Variants in SPATA6 observed in about 807,000 individuals in gnomAD.
SPATA6 encodes spermatogenesis associated 6.
In SPATA6, 56 loss-of-function variants were observed where a neutral mutation model predicts 65.3. That is an observed-to-expected ratio of 0.86 (90% CI 0.69 to 1.07). The LOEUF (loss-of-function observed/expected upper bound fraction) is 1.07. Among genes scored for constraint, SPATA6 ranks in the 50% least tolerant of loss-of-function variants. SPATA6 has a pLI of 0.00. For missense variants in SPATA6, 590 were observed against 594.8 expected, an observed-to-expected ratio of 0.99 and a Z score of 0.08; for synonymous variants, 199 against 213.2, an observed-to-expected ratio of 0.93 and a Z score of 0.58.
rs532817331 is a variant in SPATA6 at position 48,419,258 on chromosome 1, G to C, written c.239-6107C>G. 3.3e-5 allele frequency among the ~76,000 whole-genome samples: 5 copies of C among 152,206 alleles called. No individual in the cohort carries two copies. In the East Asian group the frequency reaches 9.7e-4, roughly 29 times the overall value. On this transcript the variant is annotated intron_variant, in intron 3 of 12. Transcript: ENST00000371847. ...GAGACTAAAGGCTAATGTTATCAAA[G>C]ATAACAGTTCCTGACCTCAGGTATT...
chr1:48,280,157 A>G, the SPATA6 span, among the ~76,000 whole-genome samples: 1 of 152,252 alleles, frequency 6.6e-6, no homozygotes, highest in African/African-American at 2.4e-5. Flanking sequence ...ACAACATACC[A>G]GAATCTCTGG....
Position 48,296,212 on chromosome 1 carries a change from A to C in SPATA6, c.*2501T>G, listed in dbSNP as rs1644810603. 1 of 152,078 alleles carries C rather than the reference A, an allele frequency of 6.6e-6. No homozygotes were observed. The highest frequency in any genetic ancestry group is 2.4e-5 in the African/African-American group (1 of 41,444). 9.4% of individuals were successfully genotyped at this position (152,078 alleles called of 1,614,324 possible). A position where few individuals can be genotyped will look rare whatever the true frequency, so the allele number is the denominator to read the frequency against. On this transcript the variant is annotated 3_prime_UTR_variant, in exon 13 of 13. Transcript: ENST00000371847. ...CTGCACCTTTCTGCTCCTGTGAATG[A>C]GAAAAGACAACTATTAGTACTTAAA...
rs34715593 is a variant in SPATA6 at position 48,391,203 on chromosome 1, GAA to G, written c.868+4062_868+4063del. On this transcript the variant is annotated intron_variant, in intron 8 of 12. Transcript: ENST00000371847. ...AACATGGTGAAACCCAATCTCTACA[GAA>G]AAAAAAAAAAAAAAAAAATTAGTTG... 3.2e-3 allele frequency among the ~76,000 whole-genome samples: 345 copies of G among 108,388 alleles called. 2 individuals carry two copies. The highest frequency in any genetic ancestry group is 0.013 in the Middle Eastern group (3 of 224). The allele number at this position is 108,388 out of a possible 152,430, so 71.1% of individuals were successfully genotyped here.
chr1:48,350,319 A>T (rs1570248369), intron 11 of SPATA6, among the ~76,000 whole-genome samples: 3 of 147,614 alleles, frequency 2.0e-5, no homozygotes, highest in African/African-American at 2.5e-5. Flanking sequence ...TTTTTTCCTA[A>T]CTCTGGATAC....
chr1:48,441,587 G>A (rs551850629), intron 3 of SPATA6, among the ~76,000 whole-genome samples: 4 of 152,162 alleles, frequency 2.6e-5, no homozygotes, highest in Non-Finnish European at 5.9e-5. Flanking sequence ...GGCACTGGAA[G>A]GAACAAACTC....
intron 3 of SPATA6, among the ~76,000 whole-genome samples, chr1:48,431,239 C>T (rs1053550579): frequency 2.0e-5 from 3 of 152,012 alleles, no homozygotes; most frequent in African/African-American, 7.2e-5. Context: ...AACATTTATA[C>T]ATCTATAAAG....
intron 3 of SPATA6, among the ~76,000 whole-genome samples, chr1:48,423,478 A>T (rs1192999549): frequency 6.7e-6 from 1 of 149,916 alleles, no homozygotes; most frequent in East Asian, 1.9e-4. Flanking sequence ...AAAAAAAAAC[A>T]GAAAAATGAC....
the SPATA6 span, among the ~76,000 whole-genome samples, chr1:48,288,971 CCTGT>C: frequency 6.6e-6 from 1 of 152,192 alleles, no homozygotes; most frequent in Admixed American, 6.5e-5. Context: ...CTTAAATGTC[CCTGT>C]CTGACAGCTT....
At chr1:48,325,328 G>GCC (rs1557564968) in intron 11 of SPATA6, 1 of 1,272,928 alleles carries the variant, frequency 7.9e-7, no homozygotes, top group Non-Finnish European at 1.1e-6. Context: ...TAGGGCACAG[G>GCC]CCCCCGTAGA....
intron 3 of SPATA6, chr1:48,436,479 G>C (rs1232409369): frequency 6.2e-7 from 1 of 1,608,892 alleles, no homozygotes; most frequent in Non-Finnish European, 8.5e-7. Flanking sequence ...CTGTGAGAGG[G>C]TTGAACTATC....
intron 11 of SPATA6, among the ~76,000 whole-genome samples, chr1:48,319,172 C>T (rs1557555542): frequency 6.6e-6 from 1 of 152,108 alleles, no homozygotes; most frequent in Non-Finnish European, 1.5e-5. Flanking sequence ...TCTTAGAAAA[C>T]ATAGGCATAA....
chr1:48,281,018 G>T, the SPATA6 span, among the ~76,000 whole-genome samples: 2 of 150,882 alleles, frequency 1.3e-5, no homozygotes, highest in African/African-American at 4.8e-5. Context: ...GGGATGCAAG[G>T]CTGGTTCAAT....
intron 1 of SPATA6, among the ~76,000 whole-genome samples, chr1:48,461,721 T>C (rs1570647132): frequency 1.3e-5 from 2 of 152,082 alleles, no homozygotes; most frequent in African/African-American, 4.8e-5. Context: ...TGTGGAGAAA[T>C]AAGAACACTT....
chr1:48,440,484 G>A (rs927032765), intron 3 of SPATA6, among the ~76,000 whole-genome samples: 2 of 152,162 alleles, frequency 1.3e-5, no homozygotes, highest in African/African-American at 4.8e-5. Context: ...TGAAGAAAGG[G>A]ACAAATTCCC....
chr1:48,451,064 G>A (rs1656521171), intron 3 of SPATA6, among the ~76,000 whole-genome samples: 1 of 152,272 alleles, frequency 6.6e-6, no homozygotes, highest in Admixed American at 6.5e-5. Flanking sequence ...TACTTGTTAT[G>A]CAGAGCCTTG....
intron 6 of SPATA6, among the ~76,000 whole-genome samples, chr1:48,401,101 T>C (rs1322277485): frequency 6.6e-6 from 1 of 152,100 alleles, no homozygotes; most frequent in African/African-American, 2.4e-5. Context: ...TGAAAATCCC[T>C]TGCTGACCAA....
At chr1:48,287,498 G>C in the SPATA6 span, among the ~76,000 whole-genome samples, 1 of 152,156 alleles carries the variant, frequency 6.6e-6, no homozygotes, top group African/African-American at 2.4e-5. Flanking sequence ...TTGGGTCATG[G>C]GGGCATATCC....
downstream of SPATA6, among the ~76,000 whole-genome samples, chr1:48,290,673 C>CA (rs201609149): frequency 0.025 from 3,734 of 151,086 alleles, 99 homozygotes; most frequent in African/African-American, 0.067. Context: ...AAATGGAAAA[C>CA]AAAAAAAAGC....
In SPATA6 at chr1:48,470,747, T is replaced by A. The variant is rs528058585; in HGVS notation, c.51+1211A>T. ...CGGGAAGCTGCAAGCACGGGTTAAG[T>A]GGAGCCTGGCCAGTAGGGTGTACAG... On this transcript the variant is annotated intron_variant, in intron 1 of 12. Transcript: ENST00000371847. 1.2e-4 allele frequency among the ~76,000 whole-genome samples: 19 copies of A among 152,102 alleles called. No individual in the cohort carries two copies. The East Asian group carries it at 3.5e-3, about 28-fold the overall frequency.
Sources: gnomAD v4.1 joint callset for allele counts (sites outside exome capture counted in the v4.1 genomes callset) on GRCh38, gnomAD v4.1.1 for gene constraint, MANE v1.5 for transcripts, NCBI Gene and HGNC (gene_info 2026-07-23, HGNC 2026-07-21) for gene names.